The following TAOK1 variants were observed in gnomAD, a reference collection of about 807,000 sequenced individuals.
The protein encoded by TAOK1 is serine/threonine-protein kinase TAO1.
TAOK1 carries 21 observed loss-of-function variants against 138.3 expected under a neutral mutation model. The ratio of observed to expected loss-of-function variants is 0.15; its 90% confidence interval spans 0.11 to 0.22. TAOK1 has a LOEUF of 0.22. Ranked by LOEUF, TAOK1 falls within the 10% of genes least tolerant of loss-of-function variation. The pLI, the probability that TAOK1 is intolerant of heterozygous loss-of-function variation, is 1.00. For synonymous variants in TAOK1, 361 were observed against 398.4 expected, an observed-to-expected ratio of 0.91 and a Z score of 1.12; for missense variants, 651 against 1,227.7, an observed-to-expected ratio of 0.53 and a Z score of 7.02.
At chr17:29,496,955 G>T (rs2031426969) in intron 11 of TAOK1, among the ~76,000 whole-genome samples, 1 of 152,116 alleles carries the variant, frequency 6.6e-6, no homozygotes, top group Non-Finnish European at 1.5e-5. Context: ...GTTGCTCACT[G>T]TAGGTAGAGG....
rs532949330 is a variant in TAOK1 at position 29,422,460 on chromosome 17, C to T, written c.-94-28995C>T. ...AACTCCTGACCATCCTCAGGTGATC[C>T]GCCCGCCTCAGCCTCCCAAAGTGCT... On this transcript the variant is annotated intron_variant, in intron 1 of 19. Transcript: ENST00000261716. 1.9e-3 allele frequency among the ~76,000 whole-genome samples: 293 copies of T among 151,940 alleles called. 2 individuals are homozygous for T. Among genetic ancestry groups the T allele is most frequent in the African/African-American group, 6.4e-3 (266 of 41,458 alleles).
chr17:29,532,423 A>G (rs1416720198), intron 18 of TAOK1, among the ~76,000 whole-genome samples: 2 of 149,980 alleles, frequency 1.3e-5, no homozygotes, highest in East Asian at 2.0e-4. Context: ...ATAGGACAAT[A>G]GTGGAGGGAA....
At chr17:29,411,978 T>G (rs1328348118) in intron 1 of TAOK1, among the ~76,000 whole-genome samples, 1 of 152,164 alleles carries the variant, frequency 6.6e-6, no homozygotes, top group Non-Finnish European at 1.5e-5. Context: ...TCCATATCTA[T>G]GCAGCTTGCT....
chr17:29,495,039 T>C (rs1237140075), intron 10 of TAOK1, among the ~76,000 whole-genome samples: 1 of 152,212 alleles, frequency 6.6e-6, no homozygotes, highest in African/African-American at 2.4e-5. Flanking sequence ...GGTGAAATTA[T>C]ATTAAATGCT....
chr17:29,409,798 C>T (rs1419680543), intron 1 of TAOK1, among the ~76,000 whole-genome samples: 2 of 152,018 alleles, frequency 1.3e-5, no homozygotes, highest in Non-Finnish European at 2.9e-5. Flanking sequence ...GTTCTCTTTT[C>T]CAAGTATCTG....
intron 1 of TAOK1, chr17:29,445,449 A>G (rs1191773193): frequency 3.3e-5 from 5 of 152,272 alleles, no homozygotes; most frequent in Admixed American, 3.3e-4. Flanking sequence ...GTCTTCAAGC[A>G]TTAAGTATGA....
Position 29,489,669 on chromosome 17 carries a change from A to G in TAOK1, c.661A>G (p.Arg221Gly). The G allele has an allele frequency of 1.9e-6, 3 of 1,606,814 alleles. No individual in the cohort carries two copies. Among genetic ancestry groups the G allele is most frequent in the Non-Finnish European group, 2.5e-6 (3 of 1,177,192 alleles). The change falls in exon 9 of 20, where the codon AGG becomes GGG. Residue 221 changes from arginine to glycine, a missense_variant. Transcript: ENST00000261716. ...ATGTTTCCTTTCTTTTACAGCGGAA[A>G]GGAAGCCTCCTTTATTTAATATGAA... is the stretch of plus-strand genomic sequence containing the variant. ...LGITCIELAERKPPLFNMNAM... is the reference protein window; with the variant it reads ...LGITCIELAEGKPPLFNMNAM...
chr17:29,431,504 G>T (rs1317978694), intron 1 of TAOK1, among the ~76,000 whole-genome samples: 1 of 138,734 alleles, frequency 7.2e-6, no homozygotes, highest in African/African-American at 2.8e-5. Flanking sequence ...ACATTAGTGT[G>T]ACACACTTTA....
At chr17:29,472,851 C>T (rs1384551291) in intron 3 of TAOK1, among the ~76,000 whole-genome samples, 1 of 152,224 alleles carries the variant, frequency 6.6e-6, no homozygotes, top group Non-Finnish European at 1.5e-5. Flanking sequence ...GCTGGGATTA[C>T]AGGCGTGAGC....
intron 1 of TAOK1, chr17:29,445,307 T>C (rs1469604170): frequency 6.6e-6 from 1 of 152,390 alleles, no homozygotes; most frequent in Non-Finnish European, 1.5e-5. Flanking sequence ...TGTGCAAATA[T>C]GGAACACTTT....
chr17:29,480,069 A>G, intron 6 of TAOK1: 1 of 184,724 alleles, frequency 5.4e-6, no homozygotes, highest in Non-Finnish European at 1.1e-5. Context: ...TTTAAAAACC[A>G]TTGTTTCTAC....
intron 12 of TAOK1, among the ~76,000 whole-genome samples, chr17:29,499,160 G>T (rs1186185469): frequency 1.3e-5 from 2 of 151,646 alleles, no homozygotes; most frequent in African/African-American, 2.4e-5. Context: ...GGTTGCCTTT[G>T]GGGAGTGAGA....
intron 1 of TAOK1, among the ~76,000 whole-genome samples, chr17:29,392,205 G>C (rs915662861): frequency 1.3e-5 from 2 of 151,884 alleles, no homozygotes; most frequent in African/African-American, 4.8e-5. Context: ...GACAGAGCGA[G>C]ACTCCGTTTC....
chr17:29,394,189 G>A (rs1214498030), intron 1 of TAOK1, among the ~76,000 whole-genome samples: 3 of 79,296 alleles, frequency 3.8e-5, no homozygotes, highest in East Asian at 2.8e-4. Context: ...TTTTTGAGAC[G>A]GAGTCTTGCT....
At chr17:29,470,060 A>G (rs2030776652) in intron 3 of TAOK1, among the ~76,000 whole-genome samples, 1 of 152,220 alleles carries the variant, frequency 6.6e-6, no homozygotes, top group Non-Finnish European at 1.5e-5. Context: ...ATATAGCCCA[A>G]ATCAGTGATA....
chr17:29,539,454 G>C (rs1309111034), intron 19 of TAOK1, among the ~76,000 whole-genome samples: 1 of 151,926 alleles, frequency 6.6e-6, no homozygotes, highest in Non-Finnish European at 1.5e-5. Flanking sequence ...TTGTTTTTTT[G>C]AGATGGAGTT....
Position 29,498,539 on chromosome 17 carries a change from A to C in TAOK1, c.1203+18A>C. The C allele has an allele frequency of 1.2e-6, 2 of 1,608,360 alleles. No homozygotes were observed. Among genetic ancestry groups the C allele is most frequent in the Non-Finnish European group, 1.7e-6 (2 of 1,174,728 alleles). ...TAAAACCAGTGAGTATTTGGATTTC[A>C]ATGAAAGAAATTCAATGTTGGTAAA... On this transcript the variant is annotated intron_variant, in intron 12 of 19. Transcript: ENST00000261716.
At chr17:29,517,040 G>A (rs556620987) in intron 15 of TAOK1, among the ~76,000 whole-genome samples, 14 of 150,600 alleles carry the variant, frequency 9.3e-5, no homozygotes, top group Non-Finnish European at 2.1e-4. Flanking sequence ...AGGCTGCAGT[G>A]CAGTGGCGAG....
At chr17:29,455,730 T>A in intron 2 of TAOK1, among the ~76,000 whole-genome samples, 1 of 23,926 alleles carries the variant, frequency 4.2e-5, no homozygotes, top group East Asian at 0.17. Context: ...GGATCATGTG[T>A]TTTTTTTTTC....
Sources: gnomAD v4.1 joint callset for allele counts (sites outside exome capture counted in the v4.1 genomes callset) on GRCh38, gnomAD v4.1.1 for gene constraint, MANE v1.5 for transcripts, NCBI Gene and HGNC (gene_info 2026-07-23, HGNC 2026-07-21) for gene names.